FHIT: variants seen among roughly 807,000 people sequenced by gnomAD.
FHIT encodes the protein bis(5'-adenosyl)-triphosphatase.
A neutral mutation model predicts 17.9 loss-of-function variants in FHIT; 19 were observed. That is an observed-to-expected ratio of 1.06 (90% CI 0.74 to 1.56). The LOEUF (loss-of-function observed/expected upper bound fraction) is 1.56. FHIT is among the 40% of genes most tolerant of loss of function. The probability of loss-of-function intolerance (pLI) is 0.00; values close to 1 mark genes in which losing one functional copy is unlikely to be tolerated. For synonymous variants in FHIT, 81 were observed against 69.7 expected (o/e 1.16, Z -0.81); for missense variants, 248 against 189.2 (o/e 1.31, Z -1.82).
chr3:60,401,156 T>TATGCA, intron 5 of FHIT, among the ~76,000 whole-genome samples: 2 of 152,290 alleles, frequency 1.3e-5, no homozygotes, highest in South Asian at 4.1e-4. Flanking sequence ...AAAGGTTATT[T>TATGCA]TTGCTTTGCT....
intron 5 of FHIT, among the ~76,000 whole-genome samples, chr3:60,059,396 TG>T (rs535986632): frequency 6.6e-6 from 1 of 152,164 alleles, no homozygotes; most frequent in South Asian, 2.1e-4. Context: ...CACACACATG[TG>T]GGTGGCCCAC....
intron 5 of FHIT, among the ~76,000 whole-genome samples, chr3:60,107,169 T>C: frequency 7.9e-6 from 1 of 125,816 alleles, no homozygotes; most frequent in Non-Finnish European, 1.8e-5. Flanking sequence ...TTTTTTTTTT[T>C]TTTGTACACA....
intron 5 of FHIT, among the ~76,000 whole-genome samples, chr3:60,066,319 G>A (rs965894572): frequency 1.3e-5 from 2 of 152,132 alleles, no homozygotes; most frequent in African/African-American, 4.8e-5. Flanking sequence ...CGATATCTAA[G>A]AGCTTCCCAT....
chr3:60,149,748 G>C (rs554456537), intron 5 of FHIT, among the ~76,000 whole-genome samples: 19 of 151,980 alleles, frequency 1.3e-4, no homozygotes, highest in Admixed American at 2.0e-4. Context: ...CTCAGGCCAA[G>C]CTAAGAGGCA....
At chr3:60,484,228 T>G (rs1012625988) in intron 5 of FHIT, among the ~76,000 whole-genome samples, 2 of 152,190 alleles carry the variant, frequency 1.3e-5, no homozygotes, top group African/African-American at 4.8e-5. Flanking sequence ...ATCAGTATCA[T>G]GAAAATGGCC....
At chr3:60,509,229 C>A (rs1031385769) in intron 5 of FHIT, among the ~76,000 whole-genome samples, 3 of 152,196 alleles carry the variant, frequency 2.0e-5, no homozygotes, top group Non-Finnish European at 2.9e-5. Context: ...TACATCACTT[C>A]AATGGCAGCA....
chr3:61,209,938 T>C (rs1339541773), intron 1 of FHIT, among the ~76,000 whole-genome samples: 2 of 152,216 alleles, frequency 1.3e-5, no homozygotes, highest in Non-Finnish European at 2.9e-5. Context: ...CCCATCTTTG[T>C]GGTTTTATCT....
intron 4 of FHIT, among the ~76,000 whole-genome samples, chr3:60,551,006 G>A (rs1020909637): frequency 2.0e-5 from 3 of 152,136 alleles, no homozygotes; most frequent in Non-Finnish European, 4.4e-5. Flanking sequence ...GGAATCTCAC[G>A]TTTGATCTGC....
intron 8 of FHIT, among the ~76,000 whole-genome samples, chr3:59,793,068 CT>C (rs1379427655): frequency 6.6e-6 from 1 of 152,108 alleles, no homozygotes. Flanking sequence ...TCATCATTTT[CT>C]TTACCTTGCT....
At chr3:60,454,512 G>C (rs1427751412) in intron 5 of FHIT, among the ~76,000 whole-genome samples, 4 of 151,652 alleles carry the variant, frequency 2.6e-5, no homozygotes, top group Admixed American at 2.0e-4. Flanking sequence ...AGCCTCTCGA[G>C]TAGCTGGGAC....
chr3:60,702,518 A>G (rs927985674), intron 4 of FHIT, among the ~76,000 whole-genome samples: 1 of 151,736 alleles, frequency 6.6e-6, no homozygotes, highest in Non-Finnish European at 1.5e-5. Flanking sequence ...TTTTGTTTCC[A>G]AAGTAATTTT....
At chr3:60,158,184 C>T (rs576804852) in intron 5 of FHIT, among the ~76,000 whole-genome samples, 1 of 152,316 alleles carries the variant, frequency 6.6e-6, no homozygotes, top group South Asian at 2.1e-4. Flanking sequence ...CTGTTAGAAA[C>T]TAACCTGGCA....
At chr3:59,830,064 C>T (rs1319350845) in intron 8 of FHIT, among the ~76,000 whole-genome samples, 2 of 151,924 alleles carry the variant, frequency 1.3e-5, no homozygotes, top group African/African-American at 2.4e-5. Flanking sequence ...TGACAGAGAC[C>T]CTGTCTCAAA....
chr3:59,966,415 G>A (rs1450498067), intron 7 of FHIT, among the ~76,000 whole-genome samples: 1 of 152,146 alleles, frequency 6.6e-6, no homozygotes, highest in African/African-American at 2.4e-5. Context: ...AGCTAGCCAT[G>A]TGTTACTTAA....
Position 61,195,475 on chromosome 3 carries a change from C to A in FHIT, c.-164+5142G>T, listed in dbSNP as rs77152699. Among the ~76,000 whole-genome samples, 57 of 152,146 alleles carry A rather than the reference C, an allele frequency of 3.7e-4. No individual in the cohort carries two copies. The Middle Eastern group carries it at 0.027, about 73-fold the overall frequency. On this transcript the variant is annotated intron_variant, in intron 2 of 9. Coordinates refer to ENST00000492590, the MANE Select transcript of FHIT (RefSeq NM_002012.4). Reference sequence around the variant, plus strand: ...TGAAGATGATAATGATGTTGATGATCATGATTGTGATGATGGTAATTACGG... The same window carrying A: ...TGAAGATGATAATGATGTTGATGATAATGATTGTGATGATGGTAATTACGG...
At chr3:60,301,880 CAG>C (rs1054193077) in intron 5 of FHIT, among the ~76,000 whole-genome samples, 1 of 152,082 alleles carries the variant, frequency 6.6e-6, no homozygotes, top group Admixed American at 6.6e-5. Context: ...TACATTTCCT[CAG>C]AAATTTTAAA....
chr3:60,203,838 A>G (rs1703031438), intron 5 of FHIT, among the ~76,000 whole-genome samples: 1 of 152,206 alleles, frequency 6.6e-6, no homozygotes, highest in Non-Finnish European at 1.5e-5. Flanking sequence ...CAAAGACAGG[A>G]ACAGGAAGAC....
chr3:61,217,245 T>C (rs915603303), intron 1 of FHIT, among the ~76,000 whole-genome samples: 3 of 152,250 alleles, frequency 2.0e-5, no homozygotes, highest in African/African-American at 7.2e-5. Flanking sequence ...ATGGCTTTTC[T>C]GTATGCTACA....
chr3:60,054,957 A>G (rs540624415), intron 5 of FHIT, among the ~76,000 whole-genome samples: 171 of 152,276 alleles, frequency 1.1e-3, no homozygotes, highest in African/African-American at 3.9e-3. Flanking sequence ...CCTTTGCTGT[A>G]TACTCCAAAC....
Sources: allele counts gnomAD v4.1 joint callset (sites outside exome capture counted in the v4.1 genomes callset), GRCh38; gene constraint gnomAD v4.1.1; transcripts MANE v1.5; gene names NCBI Gene and HGNC (gene_info 2026-07-23, HGNC 2026-07-21).